Variants in ERBB4 observed in about 807,000 individuals in gnomAD.
The protein encoded by ERBB4 is receptor tyrosine-protein kinase erbB-4.
Under a neutral mutation model 158.0 loss-of-function variants are expected in ERBB4, and 42 were observed. That is an observed-to-expected ratio of 0.27 (90% CI 0.21 to 0.34). The LOEUF (loss-of-function observed/expected upper bound fraction) is 0.34. Among genes scored for constraint, ERBB4 ranks in the 10% least tolerant of loss-of-function variants. The pLI is 1.00. For synonymous variants in ERBB4, 583 were observed against 558.7 expected, an observed-to-expected ratio of 1.04 and a Z score of -0.61; for missense variants, 1,333 against 1,624.1, an observed-to-expected ratio of 0.82 and a Z score of 3.08.
intron 2 of ERBB4, among the ~76,000 whole-genome samples, chr2:212,055,293 G>A (rs377441206): frequency 4.6e-5 from 7 of 152,176 alleles, no homozygotes; most frequent in South Asian, 2.1e-4. Context: ...TAAACAAAGC[G>A]GCCAGGAAGC....
chr2:211,871,599 C>A (rs2078348007), intron 3 of ERBB4, among the ~76,000 whole-genome samples: 1 of 151,596 alleles, frequency 6.6e-6, no homozygotes, highest in South Asian at 2.1e-4. Flanking sequence ...TCACGTACTA[C>A]ATCTATATAA....
chr2:211,883,658 C>T (rs1219561851), intron 3 of ERBB4, among the ~76,000 whole-genome samples: 1 of 151,812 alleles, frequency 6.6e-6, no homozygotes, highest in Non-Finnish European at 1.5e-5. Flanking sequence ...TTGTCGTGGG[C>T]ACCTATAATC....
At chr2:211,685,376 C>T (rs1030069765) in intron 12 of ERBB4, among the ~76,000 whole-genome samples, 2 of 152,116 alleles carry the variant, frequency 1.3e-5, no homozygotes, top group African/African-American at 4.8e-5. Context: ...GCACTATTTG[C>T]TTTAAAGGCT....
rs186162289 is a variant in ERBB4, at chr2:212,409,059, A to T, written c.82+129390T>A. Among the ~76,000 whole-genome samples the T allele has an allele frequency of 1.4e-3, 213 of 152,312 alleles. 3 individuals are homozygous for T. The highest frequency in any genetic ancestry group is 1.4e-3 in the Non-Finnish European group (93 of 68,012). On this transcript the variant is annotated intron_variant, in intron 1 of 27. Transcript: ENST00000342788. ...TACTAAATCATTTATTCAAGAACACAGACAAATTCACAACCTAATCACCAA... is the reference window on the plus strand; with the variant it reads ...TACTAAATCATTTATTCAAGAACACTGACAAATTCACAACCTAATCACCAA...
intron 3 of ERBB4, among the ~76,000 whole-genome samples, chr2:211,872,417 G>C (rs2078375650): frequency 6.6e-6 from 1 of 151,954 alleles, no homozygotes; most frequent in South Asian, 2.1e-4. Context: ...CAAAAGGCGG[G>C]GGTTCTTTTC....
chr2:211,626,390 G>A (rs2125863347), intron 17 of ERBB4, among the ~76,000 whole-genome samples: 1 of 152,270 alleles, frequency 6.6e-6, no homozygotes, highest in East Asian at 1.9e-4. Flanking sequence ...CCATCTTTAA[G>A]TGTATGCAAA....
At chr2:211,867,323 G>C (rs1361552326) in intron 3 of ERBB4, among the ~76,000 whole-genome samples, 1 of 152,044 alleles carries the variant, frequency 6.6e-6, no homozygotes, top group African/African-American at 2.4e-5. Flanking sequence ...TCTCTCCGGT[G>C]AAATCATCTT....
chr2:211,907,893 T>C (rs1347513917), intron 3 of ERBB4, among the ~76,000 whole-genome samples: 2 of 151,754 alleles, frequency 1.3e-5, no homozygotes, highest in African/African-American at 4.8e-5. Context: ...TTTGGAAGAA[T>C]TAAAACCTTA....
chr2:211,752,972 G>A (rs1366808868), intron 4 of ERBB4, among the ~76,000 whole-genome samples: 1 of 152,184 alleles, frequency 6.6e-6, no homozygotes, highest in African/African-American at 2.4e-5. Context: ...ATAAATCGCT[G>A]TTCAGCCAAG....
intron 3 of ERBB4, among the ~76,000 whole-genome samples, chr2:211,839,117 TAAAGAG>T (rs1453804024): frequency 3.7e-5 from 4 of 107,494 alleles, no homozygotes; most frequent in Non-Finnish European, 7.6e-5. Flanking sequence ...TTGAAAGAAA[TAAAGAG>T]AGAGAGAGAG....
intron 25 of ERBB4, among the ~76,000 whole-genome samples, chr2:211,391,168 T>G (rs2062790874): frequency 6.6e-6 from 1 of 152,202 alleles, no homozygotes; most frequent in Admixed American, 6.5e-5. Flanking sequence ...GTTTTTAGTT[T>G]GAAACCAGCT....
chr2:212,207,510 T>C (rs16847885), intron 1 of ERBB4, among the ~76,000 whole-genome samples: 4,735 of 152,288 alleles, frequency 0.031, 247 homozygotes, highest in African/African-American at 0.11. Context: ...AGTGAAGCTT[T>C]ATTTCAACTG....
intron 2 of ERBB4, among the ~76,000 whole-genome samples, chr2:212,060,973 A>G (rs2077744956): frequency 6.6e-6 from 1 of 150,906 alleles, no homozygotes; most frequent in Non-Finnish European, 1.5e-5. Flanking sequence ...AAATAAATAA[A>G]TAAATAAATA....
intron 1 of ERBB4, among the ~76,000 whole-genome samples, chr2:212,332,279 C>A (rs933099290): frequency 1.3e-5 from 2 of 152,040 alleles, no homozygotes; most frequent in African/African-American, 2.4e-5. Context: ...CTCCTGACGC[C>A]GCCATGGAAG....
At chr2:212,114,701 C>A (rs2079521115) in intron 2 of ERBB4, among the ~76,000 whole-genome samples, 1 of 152,144 alleles carries the variant, frequency 6.6e-6, no homozygotes, top group African/African-American at 2.4e-5. Flanking sequence ...ACAACCCTCA[C>A]AAACTATGTA....
At chr2:211,856,552 A>AT (rs34483242) in intron 3 of ERBB4, among the ~76,000 whole-genome samples, 40 of 150,340 alleles carry the variant, frequency 2.7e-4, no homozygotes, top group African/African-American at 6.6e-4. Context: ...CGCCCGGCTA[A>AT]TTTTTTTTTT....
At chr2:211,413,924 G>A (rs1477149304) in intron 25 of ERBB4, among the ~76,000 whole-genome samples, 1 of 151,718 alleles carries the variant, frequency 6.6e-6, no homozygotes, top group Non-Finnish European at 1.5e-5. Context: ...ACGAGATAAA[G>A]AGGCCAGGCT....
intron 3 of ERBB4, among the ~76,000 whole-genome samples, chr2:211,882,701 G>C (rs2078695984): frequency 1.3e-5 from 2 of 152,144 alleles, no homozygotes; most frequent in African/African-American, 2.4e-5. Context: ...AAGCTAATAA[G>C]GTTGAGAATC....
At chr2:212,054,871 G>A (rs2077506060) in intron 2 of ERBB4, among the ~76,000 whole-genome samples, 1 of 152,224 alleles carries the variant, frequency 6.6e-6, no homozygotes, top group Non-Finnish European at 1.5e-5. Context: ...CTCCCAGCGT[G>A]AGCAATGCAG....
Sources: allele counts gnomAD v4.1 joint callset (sites outside exome capture counted in the v4.1 genomes callset), GRCh38; gene constraint gnomAD v4.1.1; transcripts MANE v1.5; gene names NCBI Gene and HGNC (gene_info 2026-07-23, HGNC 2026-07-21).